Variants in AASS observed in about 807,000 individuals in gnomAD.
The protein encoded by AASS is alpha-aminoadipic semialdehyde synthase, mitochondrial.
AASS carries 86 observed loss-of-function variants against 105.4 expected under a neutral mutation model. The ratio of observed to expected loss-of-function variants is 0.82; its 90% CI spans 0.69 to 0.98. AASS has a LOEUF of 0.98. AASS is among the 50% of genes least tolerant of loss of function. The pLI is 0.00. For missense variants in AASS, 1,048 were observed against 1,143.2 expected (o/e 0.92, Z 1.20); for synonymous variants, 381 against 394.8 (o/e 0.96, Z 0.41).
chr7:122,115,089 G>C lies in AASS; in HGVS notation c.1028C>G (p.Pro343Arg). 1 of 1,614,104 alleles carries C rather than the reference G, an allele frequency of 6.2e-7. No individual in the cohort carries two copies. The highest frequency in any genetic ancestry group is 8.5e-7 in the Non-Finnish European group (1 of 1,179,994). Residue 343 changes from proline to arginine, a missense_variant, in exon 9 of 24, where the codon CCT becomes CGT. Physicochemically the swap from Pro to Arg is moderately radical, Grantham distance 103. Transcript: ENST00000417368. Reference protein sequence around the residue: ...KFSPAGVEGCPALPHKLVAIC... With the variant: ...KFSPAGVEGCRALPHKLVAIC... ...GAGTCCTTACTTGTGTGGTAATGCA[G>C]GGCAGCCTTCCACACCAGCAGGTGA...
intron 11 of AASS, among the ~76,000 whole-genome samples, chr7:122,110,787 TCCACAACCCC>T (rs1376418559): frequency 6.6e-6 from 1 of 151,746 alleles, no homozygotes; most frequent in African/African-American, 2.4e-5. Flanking sequence ...TATATATATC[TCCACAACCCC>T]AAATGTCTAC....
At chr7:122,110,487 A>C (rs1794882103) in intron 11 of AASS, among the ~76,000 whole-genome samples, 1 of 151,894 alleles carries the variant, frequency 6.6e-6, no homozygotes, top group Non-Finnish European at 1.5e-5. Flanking sequence ...CTTACCCTTA[A>C]AACTAAAAAA....
intron 6 of AASS, among the ~76,000 whole-genome samples, chr7:122,117,894 G>T (rs909494622): frequency 3.9e-5 from 6 of 152,062 alleles, no homozygotes; most frequent in African/African-American, 1.4e-4. Context: ...GACCTCAGGT[G>T]ATCCGCCTGC....
rs773886567 is a variant in AASS, at chr7:122,078,963, G to A, written c.2397-13C>T. ...AAGTAAGCCCAACCTGAAAAGCACA[G>A]GAGATGGCTGCATTAGTTCAAGTCC... On this transcript the variant is annotated splice_polypyrimidine_tract_variant and intron_variant, in intron 21 of 23. Coordinates refer to ENST00000417368, the MANE Select transcript of AASS (RefSeq NM_005763.4). The A allele has an allele frequency of 3.7e-6, 6 of 1,614,062 alleles. No homozygotes were observed. Among genetic ancestry groups the A allele is most frequent in the Non-Finnish European group, 5.1e-6 (6 of 1,179,932 alleles).
intron 4 of AASS, among the ~76,000 whole-genome samples, chr7:122,124,321 C>T (rs965191941): frequency 1.1e-4 from 17 of 152,160 alleles, no homozygotes; most frequent in African/African-American, 4.1e-4. Flanking sequence ...CTTATTCTGT[C>T]TCCCAGGCTG....
chr7:122,084,403 A>G (rs1220321265), intron 19 of AASS, among the ~76,000 whole-genome samples: 4 of 152,200 alleles, frequency 2.6e-5, no homozygotes, highest in Non-Finnish European at 5.9e-5. Flanking sequence ...AGTAAATGCT[A>G]AGTGCCCATA....
intron 5 of AASS, 47 bp downstream of exon 5, chr7:122,118,516 G>A: frequency 1.2e-6 from 2 of 1,613,910 alleles, no homozygotes; most frequent in Non-Finnish European, 1.7e-6. Context: ...TATTATTAAG[G>A]TGTGAGATGT....
intron 11 of AASS, among the ~76,000 whole-genome samples, chr7:122,112,586 A>T (rs990776680): frequency 2.6e-5 from 4 of 152,204 alleles, no homozygotes; most frequent in Non-Finnish European, 5.9e-5. Flanking sequence ...AATGCTTAGG[A>T]TAAAAACTGA....
chr7:122,093,202 T>C lies in AASS; in HGVS notation c.1656-44A>G, dbSNP rs376499973. ...CTAATCAGAAACTCCCTTTTTCAAC[T>C]CTACTTTCTAAGGTACTTGAACTGT... is the stretch of plus-strand genomic sequence containing the variant. On this transcript the variant is annotated intron_variant, in intron 15 of 23. Transcript: ENST00000417368. 92 of 1,377,444 alleles carry C rather than the reference T, an allele frequency of 6.7e-5. No individual in the cohort carries two copies. In the Middle Eastern group the frequency reaches 2.3e-3, roughly 35 times the overall value. The allele number at this position is 1,377,444 out of a possible 1,614,324, so 85.3% of individuals were successfully genotyped here.
chr7:122,130,953 A>T (rs1316350194), intron 2 of AASS, among the ~76,000 whole-genome samples: 1 of 151,296 alleles, frequency 6.6e-6, no homozygotes, highest in African/African-American at 2.4e-5. Flanking sequence ...AGGTTAAAAG[A>T]GTGTATATAG....
At chr7:122,143,703 T>C (rs1396018804) in intron 1 of AASS, among the ~76,000 whole-genome samples, 1 of 150,968 alleles carries the variant, frequency 6.6e-6, no homozygotes, top group Non-Finnish European at 1.5e-5. Flanking sequence ...CACCCCGAAA[T>C]CTCCATCCAC....
At chr7:122,139,823 A>C (rs1796305173) in intron 1 of AASS, among the ~76,000 whole-genome samples, 1 of 152,116 alleles carries the variant, frequency 6.6e-6, no homozygotes. Flanking sequence ...GTGGTGGCGC[A>C]TGCTGGTAGT....
At chr7:122,117,638 C>CTATT (rs751868427) in intron 6 of AASS, among the ~76,000 whole-genome samples, 1,587 of 150,034 alleles carry the variant, frequency 0.011, 27 homozygotes, top group African/African-American at 0.028. Flanking sequence ...ATTTATTTAT[C>CTATT]TATTTATTTA....
At chr7:122,085,334 T>C (rs187798185) in intron 19 of AASS, among the ~76,000 whole-genome samples, 1 of 152,298 alleles carries the variant, frequency 6.6e-6, no homozygotes, top group Non-Finnish European at 1.5e-5. Flanking sequence ...CTTGATTAGG[T>C]CACACTTGTA....
chr7:122,096,558 G>A (rs985964430), intron 15 of AASS, among the ~76,000 whole-genome samples: 1 of 151,950 alleles, frequency 6.6e-6, no homozygotes, highest in Non-Finnish European at 1.5e-5. Flanking sequence ...AGTCTGGGAG[G>A]TGAAGGTTGC....
At chr7:122,099,668 T>G (rs1002667334) in intron 13 of AASS, among the ~76,000 whole-genome samples, 4 of 151,896 alleles carry the variant, frequency 2.6e-5, no homozygotes, top group Non-Finnish European at 4.4e-5. Flanking sequence ...CATGAAACCA[T>G]AGAAATGGCC....
rs777824271 is a variant in AASS at position 122,077,917 on chromosome 7, A to C, written c.2583T>G (p.Tyr861Ter). Residue 861 changes from tyrosine to a stop codon, truncating the protein, a stop_gained, in exon 23 of 24, where the codon TAT (tyrosine) becomes TAG (stop). Coordinates refer to ENST00000417368, the MANE Select transcript of AASS (RefSeq NM_005763.4). LOFTEE classifies it high-confidence loss of function. ...LEHKTIDLVA[Y>*]GDINGFSAMA... ...TGGCTGAAAAGCCATTGATGTCCCC[A>C]TAAGCCACAAGATCAATCGTTTTAT... is the stretch of plus-strand genomic sequence containing the variant. 6.2e-7 allele frequency: 1 copy of C among 1,614,200 alleles called. No individual in the cohort carries two copies. The highest frequency in any genetic ancestry group is 2.2e-5 in the East Asian group (1 of 44,868).
At chr7:122,078,985 G>A (rs777321532) in intron 21 of AASS, 35 bp from the exon 22 acceptor site, 57 of 1,613,614 alleles carry the variant, frequency 3.5e-5, no homozygotes, top group Middle Eastern at 1.6e-4. Context: ...ATTAGTTCAA[G>A]TCCTATACAT....
rs1180829968 is a variant in AASS, at chr7:122,093,147, T to C, written c.1667A>G (p.Tyr556Cys). 3.1e-6 allele frequency: 5 copies of C among 1,613,242 alleles called. No homozygotes were observed. The Admixed American group carries it at 5.0e-5, about 16-fold the overall frequency. ...CTTGGCCACAAGAGGGTGCAATACA[T>C]AAGGCAACAAGCTTGAAAACAGGAA... ...KQDLVISLLPYVLHPLVAKAC... is the reference protein window; with the variant it reads ...KQDLVISLLPCVLHPLVAKAC... The change falls in exon 16 of 24, where the codon TAT (tyrosine) becomes TGT (cysteine). Residue 556 changes from tyrosine (Y) to cysteine (C), a missense_variant. By Grantham distance (194) the Tyr-to-Cys change is radical (BLOSUM62 -2). Transcript: ENST00000417368.
Sources: allele counts gnomAD v4.1 joint callset (sites outside exome capture counted in the v4.1 genomes callset), GRCh38; gene constraint gnomAD v4.1.1; transcripts MANE v1.5; gene names NCBI Gene and HGNC (gene_info 2026-07-23, HGNC 2026-07-21).